Variants in DLC1 observed in about 807,000 individuals in gnomAD.
The protein encoded by DLC1 is DLC1 Rho GTPase activating protein, also known as rho GTPase-activating protein 7.
DLC1 carries 54 observed loss-of-function variants against 140.3 expected under a neutral mutation model. The observed-to-expected ratio is 0.38, with a 90% confidence interval of 0.31 to 0.48. DLC1 has a LOEUF of 0.48. DLC1 is among the 20% of genes least tolerant of loss of function. The pLI, the probability that DLC1 is intolerant of heterozygous loss-of-function variation, is 0.96. For synonymous variants in DLC1, 986 were observed against 728.1 expected, an observed-to-expected ratio of 1.35 and a Z score of -5.70; for missense variants, 2,536 against 1,907.0, an observed-to-expected ratio of 1.33 and a Z score of -6.14.
chr8:13,419,746 T>C (rs2117338836), intron 2 of DLC1, among the ~76,000 whole-genome samples: 1 of 152,248 alleles, frequency 6.6e-6, no homozygotes, highest in Admixed American at 6.5e-5. Flanking sequence ...TTAGGGAGGA[T>C]TCTCTCTTTT....
chr8:13,389,729 C>T (rs910554600), intron 4 of DLC1, among the ~76,000 whole-genome samples: 1 of 151,950 alleles, frequency 6.6e-6, no homozygotes, highest in Non-Finnish European at 1.5e-5. Context: ...CTTAGAAACC[C>T]AGAGACCTTA....
intron 2 of DLC1, among the ~76,000 whole-genome samples, chr8:13,407,370 A>G (rs1437258771): frequency 6.6e-6 from 1 of 152,164 alleles, no homozygotes; most frequent in Non-Finnish European, 1.5e-5. Context: ...AGATAATCCC[A>G]ACACCCCTCT....
In DLC1 at chr8:13,099,352, G is replaced by A. The variant is rs1252190826; in HGVS notation, c.2985C>T (p.Ser995=). 6.2e-7 allele frequency: 1 copy of A among 1,612,798 alleles called. No individual in the cohort carries two copies. The highest frequency in any genetic ancestry group is 8.5e-7 in the Non-Finnish European group (1 of 1,179,584). ...GGCAGGAGAAAAGTTCTTACCTGTT[G>A]GACCTGGTTAGGGAAGCCCCAACCC... ...DSGVGASLTR[S]NRHRLRWHSF... The change falls in exon 9 of 18, where the codon TCC becomes TCT. Residue 995 remains serine, a synonymous_variant. Transcript: ENST00000276297.
chr8:13,479,919 C>T (rs1201034684), intron 2 of DLC1, among the ~76,000 whole-genome samples: 1 of 71,864 alleles, frequency 1.4e-5, no homozygotes, highest in African/African-American at 3.9e-5. Flanking sequence ...GTATACATAT[C>T]AGCCTGTGTG....
At chr8:13,284,712 A>G (rs1213424017) in intron 5 of DLC1, among the ~76,000 whole-genome samples, 1 of 152,026 alleles carries the variant, frequency 6.6e-6, no homozygotes, top group African/African-American at 2.4e-5. Context: ...GAAGATTAAT[A>G]TACAAAATCA....
intron 5 of DLC1, among the ~76,000 whole-genome samples, chr8:13,219,385 T>TAATTATACTTATAAAA (rs1554473525): frequency 4.8e-5 from 6 of 124,766 alleles, no homozygotes; most frequent in Admixed American, 1.7e-4. Flanking sequence ...TATAATTATA[T>TAATTATACTTATAAAA]TTCATATAAT....
chr8:13,215,235 A>T (rs1828139505), intron 5 of DLC1, among the ~76,000 whole-genome samples: 1 of 152,240 alleles, frequency 6.6e-6, no homozygotes, highest in African/African-American at 2.4e-5. Flanking sequence ...TAACAAAAAA[A>T]ATTAATAAAA....
At chr8:13,416,397 C>T (rs148293176) in intron 2 of DLC1, among the ~76,000 whole-genome samples, 11 of 152,064 alleles carry the variant, frequency 7.2e-5, no homozygotes, top group African/African-American at 2.7e-4. Flanking sequence ...ATTCAAAAAA[C>T]ATATAAAACA....
Position 13,587,105 on chromosome 8 carries a change from C to CACACACAT in DLC1, c.-126+17431_-126+17432insATGTGTGT, listed in dbSNP as rs879540746. On this transcript the variant is annotated intron_variant, in intron 1 of 1. Coordinates refer to the DLC1 transcript ENST00000631382. ...ACACACACACACACACACACACACA[C>CACACACAT]ATTCATGCATGCGCCTATCCACAGA... Among the ~76,000 whole-genome samples the CACACACAT allele has an allele frequency of 7.7e-4, 116 of 150,238 alleles. 1 individual carries two copies. Among genetic ancestry groups the CACACACAT allele is most frequent in the East Asian group, 6.4e-3 (32 of 4,984 alleles).
chr8:13,373,863 GC>G (rs1304868990), intron 4 of DLC1, among the ~76,000 whole-genome samples: 1 of 152,014 alleles, frequency 6.6e-6, no homozygotes, highest in Admixed American at 6.6e-5. Context: ...AAACTTATAA[GC>G]TTTGCATTCA....
At chr8:13,510,631 T>A (rs1871815) in intron 1 of DLC1, among the ~76,000 whole-genome samples, 11,773 of 152,228 alleles carry the variant, frequency 0.077, 646 homozygotes, top group East Asian at 0.17. Flanking sequence ...GTCAAGTGGT[T>A]AAGAGGAAAT....
At chr8:13,131,260 G>A (rs1377704437) in intron 5 of DLC1, among the ~76,000 whole-genome samples, 1 of 152,008 alleles carries the variant, frequency 6.6e-6, no homozygotes, top group Non-Finnish European at 1.5e-5. Flanking sequence ...CAACCTCTTG[G>A]AGCTGCTGAT....
At chr8:13,152,824 G>GAAGAAA (rs1554451777) in intron 5 of DLC1, among the ~76,000 whole-genome samples, 3 of 91,346 alleles carry the variant, frequency 3.3e-5, no homozygotes, top group African/African-American at 1.3e-4. Flanking sequence ...CTCTGGGGAA[G>GAAGAAA]AAAAAAAAAA....
intron 5 of DLC1, among the ~76,000 whole-genome samples, chr8:13,195,899 A>C (rs1250098006): frequency 6.6e-6 from 1 of 152,190 alleles, no homozygotes; most frequent in African/African-American, 2.4e-5. Context: ...GTCACCTTTT[A>C]ATTTTGCCAA....
chr8:13,117,157 C>T (rs1051160523), intron 5 of DLC1, among the ~76,000 whole-genome samples: 1 of 152,100 alleles, frequency 6.6e-6, no homozygotes, highest in Non-Finnish European at 1.5e-5. Context: ...CATATACAAG[C>T]TCAATATTTT....
intron 2 of DLC1, among the ~76,000 whole-genome samples, chr8:13,403,425 A>C (rs746377537): frequency 6.6e-6 from 1 of 152,214 alleles, no homozygotes; most frequent in Non-Finnish European, 1.5e-5. Flanking sequence ...AATCTGATTA[A>C]ATAGTAATTA....
intron 2 of DLC1, among the ~76,000 whole-genome samples, chr8:13,451,963 T>A (rs1431515849): frequency 6.6e-6 from 1 of 152,158 alleles, no homozygotes; most frequent in African/African-American, 2.4e-5. Context: ...TCCATAGTGG[T>A]TGTACTAATT....
chr8:13,189,583 G>A (rs1004074472), intron 5 of DLC1, among the ~76,000 whole-genome samples: 1 of 152,068 alleles, frequency 6.6e-6, no homozygotes, highest in African/African-American at 2.4e-5. Flanking sequence ...TTAGCACGGA[G>A]AGAAAAGAAG....
At chr8:13,368,671 A>G (rs1194005695) in intron 4 of DLC1, among the ~76,000 whole-genome samples, 3 of 152,116 alleles carry the variant, frequency 2.0e-5, no homozygotes, top group African/African-American at 4.8e-5. Flanking sequence ...CCTGGTGGAA[A>G]CACAGATACT....
Sources: gnomAD v4.1 joint callset for allele counts (sites outside exome capture counted in the v4.1 genomes callset) on GRCh38, gnomAD v4.1.1 for gene constraint, MANE v1.5 for transcripts, NCBI Gene and HGNC (gene_info 2026-07-23, HGNC 2026-07-21) for gene names.